Variants in CHCHD3 observed in about 807,000 individuals in gnomAD.
CHCHD3 encodes coiled-coil-helix-coiled-coil-helix domain containing 3, also known as MICOS complex subunit MIC19.
A neutral mutation model predicts 38.2 loss-of-function variants in CHCHD3; 20 were observed. The observed-to-expected ratio is 0.52, with a 90% confidence interval of 0.37 to 0.76. The LOEUF (loss-of-function observed/expected upper bound fraction) is 0.76. CHCHD3 is among the 30% of genes least tolerant of loss of function. The pLI is 0.00. For synonymous variants in CHCHD3, 82 were observed against 100.0 expected (o/e 0.82, Z 1.07); for missense variants, 245 against 279.2 (o/e 0.88, Z 0.87).
chr7:132,843,241 C>T (rs1012084678), intron 5 of CHCHD3, among the ~76,000 whole-genome samples: 4 of 152,000 alleles, frequency 2.6e-5, no homozygotes, highest in Non-Finnish European at 5.9e-5. Flanking sequence ...GGTCTATGGA[C>T]CACCTGCTTC....
chr7:132,914,123 CGTGT>C (rs200561468), intron 4 of CHCHD3, among the ~76,000 whole-genome samples: 31,788 of 131,956 alleles, frequency 0.24, 3,568 homozygotes, highest in East Asian at 0.3. Context: ...CCATGCCTGG[CGTGT>C]GTGTGTGTGT....
chr7:132,829,459 G>C (rs1180339974), intron 6 of CHCHD3, among the ~76,000 whole-genome samples: 1 of 152,144 alleles, frequency 6.6e-6, no homozygotes, highest in Non-Finnish European at 1.5e-5. Context: ...GGGGAAGACA[G>C]AATGATTTGT....
intron 6 of CHCHD3, among the ~76,000 whole-genome samples, chr7:132,827,839 A>C (rs576407741): frequency 6.6e-6 from 1 of 152,298 alleles, no homozygotes; most frequent in Non-Finnish European, 1.5e-5. Flanking sequence ...CCGTGCTGTT[A>C]CATGTATCGA....
chr7:132,839,093 G>C (rs1382391778), intron 5 of CHCHD3, among the ~76,000 whole-genome samples: 1 of 151,962 alleles, frequency 6.6e-6, no homozygotes, highest in African/African-American at 2.4e-5. Context: ...TCAGGAGGCT[G>C]AGGCAGGAGA....
chr7:132,898,006 G>C (rs934089369), intron 4 of CHCHD3, among the ~76,000 whole-genome samples: 66 of 152,246 alleles, frequency 4.3e-4, no homozygotes, highest in East Asian at 7.7e-4. Context: ...TGAAGCTGCA[G>C]ACCTTCGCGG....
chr7:132,790,548 A>G (rs1485608665), intron 7 of CHCHD3, among the ~76,000 whole-genome samples: 3 of 152,184 alleles, frequency 2.0e-5, no homozygotes, highest in Non-Finnish European at 4.4e-5. Flanking sequence ...TGCCCTACCA[A>G]AAAAATGGGA....
chr7:132,989,344 A>G (rs893297833), intron 3 of CHCHD3, among the ~76,000 whole-genome samples: 3 of 152,206 alleles, frequency 2.0e-5, no homozygotes, highest in African/African-American at 7.2e-5. Context: ...TTAATTCACA[A>G]TAAAATTTTG....
At chr7:132,931,438 G>T (rs946503465) in intron 4 of CHCHD3, among the ~76,000 whole-genome samples, 1 of 152,274 alleles carries the variant, frequency 6.6e-6, no homozygotes, top group East Asian at 1.9e-4. Context: ...GGAACTAGAA[G>T]CAACAAAAAC....
chr7:133,040,447 A>G (rs1813802855), intron 2 of CHCHD3, among the ~76,000 whole-genome samples: 1 of 152,170 alleles, frequency 6.6e-6, no homozygotes, highest in African/African-American at 2.4e-5. Context: ...GTGAGAAAAC[A>G]GCCCTTACCA....
At chr7:132,975,792 G>A (rs934961308) in intron 3 of CHCHD3, among the ~76,000 whole-genome samples, 4 of 152,194 alleles carry the variant, frequency 2.6e-5, no homozygotes, top group Admixed American at 1.3e-4. Context: ...TTCGCTGGGC[G>A]TGGTGATACA....
chr7:132,932,646 C>A (rs1490193071), intron 4 of CHCHD3, among the ~76,000 whole-genome samples: 2 of 152,212 alleles, frequency 1.3e-5, no homozygotes, highest in Non-Finnish European at 2.9e-5. Context: ...CACTGATAGA[C>A]ACATATCAAA....
intron 4 of CHCHD3, among the ~76,000 whole-genome samples, chr7:132,914,123 CGTGTGT>C (rs200561468): frequency 0.02 from 2,693 of 132,230 alleles, 32 homozygotes; most frequent in Middle Eastern, 0.053. Context: ...CCATGCCTGG[CGTGTGT>C]GTGTGTGTGT....
intron 4 of CHCHD3, among the ~76,000 whole-genome samples, chr7:132,962,882 G>A (rs1256203946): frequency 6.6e-6 from 1 of 152,056 alleles, no homozygotes; most frequent in Non-Finnish European, 1.5e-5. Flanking sequence ...GGAATTTTAA[G>A]ACACATCAAC....
intron 2 of CHCHD3, among the ~76,000 whole-genome samples, chr7:133,052,830 C>A (rs1814207606): frequency 6.6e-6 from 1 of 152,208 alleles, no homozygotes; most frequent in South Asian, 2.1e-4. Flanking sequence ...ACCATGCCAA[C>A]TCTTCAGGGG....
chr7:132,986,523 CAA>C (rs1427528831), intron 3 of CHCHD3, among the ~76,000 whole-genome samples: 1 of 151,092 alleles, frequency 6.6e-6, no homozygotes, highest in African/African-American at 2.4e-5. Flanking sequence ...GAGGAAAAGT[CAA>C]GTCTCCATTA....
chr7:132,883,097 T>C (rs1809111813), intron 5 of CHCHD3, among the ~76,000 whole-genome samples: 2 of 152,206 alleles, frequency 1.3e-5, no homozygotes. Context: ...TCTGCCGTAA[T>C]TGTAAGTTTC....
At chr7:133,016,836 G>T (rs957745392) in intron 3 of CHCHD3, among the ~76,000 whole-genome samples, 1 of 152,162 alleles carries the variant, frequency 6.6e-6, no homozygotes, top group Non-Finnish European at 1.5e-5. Context: ...GCTTCCAGAA[G>T]GCCCAGGACT....
chr7:132,864,723 A>T (rs1271912087), intron 5 of CHCHD3, among the ~76,000 whole-genome samples: 1 of 152,210 alleles, frequency 6.6e-6, no homozygotes, highest in African/African-American at 2.4e-5. Flanking sequence ...ATACTTGTTG[A>T]GGAACCAGAA....
intron 2 of CHCHD3, among the ~76,000 whole-genome samples, chr7:133,056,306 A>G (rs1367370604): frequency 2.0e-5 from 3 of 152,150 alleles, no homozygotes; most frequent in African/African-American, 7.2e-5. Flanking sequence ...AGAAATCACC[A>G]AGCCCTTTAT....
Sources: allele counts gnomAD v4.1 joint callset (sites outside exome capture counted in the v4.1 genomes callset), GRCh38; gene constraint gnomAD v4.1.1; transcripts MANE v1.5; gene names NCBI Gene and HGNC (gene_info 2026-07-23, HGNC 2026-07-21).